Variants in CAPN7 observed in about 807,000 individuals in gnomAD.
CAPN7 encodes the protein calpain-7.
Under a neutral mutation model 115.2 loss-of-function variants are expected in CAPN7, and 72 were observed. That is an observed-to-expected ratio of 0.63 (90% CI 0.52 to 0.76). The LOEUF (loss-of-function observed/expected upper bound fraction) is 0.76. Among genes scored for constraint, CAPN7 ranks in the 30% least tolerant of loss-of-function variants. The pLI is 0.00. For missense variants in CAPN7, 905 were observed against 971.5 expected (o/e 0.93, Z 0.91); for synonymous variants, 344 against 322.3 (o/e 1.07, Z -0.72).
chr3:15,249,798 G>A (rs1295072757), intron 19 of CAPN7, among the ~76,000 whole-genome samples: 1 of 147,074 alleles, frequency 6.8e-6, no homozygotes, highest in African/African-American at 2.5e-5. Flanking sequence ...ACAGAGTCTT[G>A]CTCTGTCACC....
chr3:15,235,809 GC>G (rs1325334461), intron 12 of CAPN7, among the ~76,000 whole-genome samples: 1 of 152,108 alleles, frequency 6.6e-6, no homozygotes, highest in African/African-American at 2.4e-5. Flanking sequence ...CCTGTCTGTG[GC>G]CCGGGGGTTG....
intron 1 of CAPN7, chr3:15,210,680 C>A: frequency 1.6e-6 from 1 of 629,964 alleles, no homozygotes; most frequent in Non-Finnish European, 2.5e-6. Flanking sequence ...CTGCAGCCTC[C>A]ACCTCCCAGG....
At chr3:15,229,870 C>T (rs1283418962) in intron 8 of CAPN7, among the ~76,000 whole-genome samples, 1 of 152,098 alleles carries the variant, frequency 6.6e-6, no homozygotes, top group Non-Finnish European at 1.5e-5. Context: ...ATTGCAAAAA[C>T]TAAGCATTAT....
At chr3:15,209,897 A>G (rs1240753572) in intron 1 of CAPN7, among the ~76,000 whole-genome samples, 1 of 152,220 alleles carries the variant, frequency 6.6e-6, no homozygotes, top group Admixed American at 6.5e-5. Context: ...TTTAGTATTT[A>G]GTGTTTTCTG....
intron 2 of CAPN7, among the ~76,000 whole-genome samples, chr3:15,212,780 G>T (rs368110678): frequency 6.6e-6 from 1 of 152,164 alleles, no homozygotes; most frequent in African/African-American, 2.4e-5. Context: ...AGTTTTGTTA[G>T]AGGTAACTGA....
chr3:15,217,174 G>GGA (rs1160661284), intron 2 of CAPN7, among the ~76,000 whole-genome samples: 4 of 151,880 alleles, frequency 2.6e-5, no homozygotes, highest in African/African-American at 9.7e-5. Context: ...TTGAGCCCGA[G>GGA]GAGGTAGAGG....
At position 15,220,864 on chromosome 3, in the gene CAPN7, G is replaced by T; in HGVS notation, c.521G>T (p.Arg174Ile). 1 of 1,614,140 alleles carries T rather than the reference G, an allele frequency of 6.2e-7. No homozygotes were observed. Among genetic ancestry groups the T allele is most frequent in the Non-Finnish European group, 8.5e-7 (1 of 1,179,988 alleles). ...GTTAAGCCAAAGCCACCTCCAGTGA[G>T]AGCACATTTTCCACTGGGCGCTAAT... ...TSVKPKPPPVRAHFPLGANPF... is the reference protein window; with the variant it reads ...TSVKPKPPPVIAHFPLGANPF... The change falls in exon 5 of 21, where the codon AGA becomes ATA. Residue 174 changes from arginine (R) to isoleucine (I), a missense_variant. Physicochemically the swap from Arg to Ile is moderately conservative, Grantham distance 97. This residue lies in a region of CAPN7 where 271 missense variants were observed against 239.6 expected (regional missense o/e 1.13). Transcript: ENST00000253693.
intron 12 of CAPN7, among the ~76,000 whole-genome samples, chr3:15,238,667 T>C (rs998493904): frequency 6.6e-6 from 1 of 152,050 alleles, no homozygotes; most frequent in Non-Finnish European, 1.5e-5. Flanking sequence ...GATTCTCTCT[T>C]TGGGTCATTT....
intron 5 of CAPN7, among the ~76,000 whole-genome samples, chr3:15,221,737 A>AG (rs1694003686): frequency 6.6e-6 from 1 of 151,904 alleles, no homozygotes; most frequent in Non-Finnish European, 1.5e-5. Context: ...TGGGAGGCAG[A>AG]GGGGGGCAGA....
At chr3:15,208,698 T>C (rs1458578462) in intron 1 of CAPN7, among the ~76,000 whole-genome samples, 4 of 152,192 alleles carry the variant, frequency 2.6e-5, no homozygotes, top group Non-Finnish European at 5.9e-5. Context: ...CTAATTCTTA[T>C]GACTAGTGCA....
At chr3:15,235,235 C>G (rs1694917477) in intron 12 of CAPN7, 90 bp downstream of exon 12, 3 of 1,165,498 alleles carry the variant, frequency 2.6e-6, no homozygotes, top group East Asian at 4.9e-5. Flanking sequence ...TGAATACTGA[C>G]AAATCAAGGT....
chr3:15,240,350 A>T, intron 12 of CAPN7, 123 bp from the exon 13 acceptor site: 1 of 894,766 alleles, frequency 1.1e-6, no homozygotes, highest in Non-Finnish European at 1.7e-6. Context: ...TAAAAATATT[A>T]ATTTCAAGTT....
chr3:15,209,595 A>G (rs563901914), intron 1 of CAPN7, among the ~76,000 whole-genome samples: 1 of 152,316 alleles, frequency 6.6e-6, no homozygotes, highest in African/African-American at 2.4e-5. Context: ...TTCTATTATA[A>G]TCTGCTTTAT....
At chr3:15,216,646 A>G (rs565805983) in intron 2 of CAPN7, among the ~76,000 whole-genome samples, 3 of 152,316 alleles carry the variant, frequency 2.0e-5, no homozygotes, top group African/African-American at 7.2e-5. Flanking sequence ...CTTTATCATC[A>G]GAGCCTAGTA....
chr3:15,241,347 AC>A lies in CAPN7; in HGVS notation c.1653-105del, dbSNP rs1695336823. The A allele has an allele frequency of 6.5e-6, 8 of 1,229,760 alleles. No homozygotes were observed. In the East Asian group the frequency reaches 1.6e-4, roughly 25 times the overall value. The allele number at this position is 1,229,760 out of a possible 1,614,324, so 76.2% of individuals were successfully genotyped here. ...GCCAAAAAAATTTAAAAACAGTAAA[AC>A]AAAACCAAAAACTTGGATAGCTTAA... On this transcript the variant is annotated intron_variant, in intron 14 of 20. Transcript: ENST00000253693.
chr3:15,221,398 G>T (rs1693978111), intron 5 of CAPN7, among the ~76,000 whole-genome samples: 1 of 138,840 alleles, frequency 7.2e-6, no homozygotes, highest in African/African-American at 2.7e-5. Flanking sequence ...TCATAATGTT[G>T]GCCAGGCTGG....
intron 16 of CAPN7, among the ~76,000 whole-genome samples, chr3:15,244,525 C>T (rs192160920): frequency 2.6e-5 from 4 of 152,308 alleles, no homozygotes; most frequent in African/African-American, 9.6e-5. Flanking sequence ...TTACTCTTCT[C>T]ACTAGACCAC....
chr3:15,251,237 A>G lies in CAPN7; in HGVS notation c.2419A>G (p.Ile807Val). 6.3e-7 allele frequency: 1 copy of G among 1,599,558 alleles called. No individual in the cohort carries two copies. ...FFLDFNSIIP[I>V]KITQLQ is the part of the protein sequence containing the mutation. ...CTTGGACTTTAATAGTATTATCCCCATCAAGATCACACAACTTCAGTGATG... is the reference window on the plus strand; with the variant it reads ...CTTGGACTTTAATAGTATTATCCCCGTCAAGATCACACAACTTCAGTGATG... The change falls in exon 21 of 21, where the codon ATC (isoleucine) becomes GTC (valine). Residue 807 changes from isoleucine to valine, a missense_variant. By Grantham distance (29) the Ile-to-Val change is conservative. This residue lies in a region of CAPN7 where 620 missense variants were observed against 703.4 expected (regional missense o/e 0.88). Transcript: ENST00000253693.
intron 19 of CAPN7, among the ~76,000 whole-genome samples, chr3:15,248,658 C>G (rs1417603690): frequency 1.3e-5 from 2 of 152,094 alleles, no homozygotes; most frequent in African/African-American, 2.4e-5. Context: ...ATATGTTTTA[C>G]TTAAGTGTTA....
Sources: allele counts gnomAD v4.1 joint callset (sites outside exome capture counted in the v4.1 genomes callset), GRCh38; gene constraint gnomAD v4.1.1; regional missense constraint gnomAD v4.1.1; transcripts MANE v1.5; gene names NCBI Gene and HGNC (gene_info 2026-07-23, HGNC 2026-07-21).